The following PTPRN2 variants were observed in gnomAD, a reference collection of about 807,000 sequenced individuals.
The protein encoded by PTPRN2 is receptor-type tyrosine-protein phosphatase N2.
A neutral mutation model predicts 118.8 loss-of-function variants in PTPRN2; 74 were observed. That is an observed-to-expected ratio of 0.62 (90% CI 0.52 to 0.76). The LOEUF (loss-of-function observed/expected upper bound fraction) is 0.76. Ranked by LOEUF, PTPRN2 falls within the 30% of genes least tolerant of loss-of-function variation. The pLI is 0.00. For missense variants in PTPRN2, 1,481 were observed against 1,394.4 expected (o/e 1.06, Z -0.99); for synonymous variants, 641 against 608.0 (o/e 1.05, Z -0.80).
chr7:158,147,542 C>A, intron 6 of PTPRN2, among the ~76,000 whole-genome samples: 1 of 141,322 alleles, frequency 7.1e-6, no homozygotes, highest in Non-Finnish European at 1.6e-5. Flanking sequence ...CCATCTCACG[C>A]CACGTGTCAT....
intron 22 of PTPRN2, among the ~76,000 whole-genome samples, chr7:157,542,854 G>T (rs1798079758): frequency 6.6e-6 from 1 of 152,246 alleles, no homozygotes; most frequent in Non-Finnish European, 1.5e-5. Flanking sequence ...GGAGGAGGGG[G>T]TGCTTCCCGG....
At chr7:157,651,746 C>G (rs548535030) in intron 14 of PTPRN2, among the ~76,000 whole-genome samples, 3 of 152,268 alleles carry the variant, frequency 2.0e-5, no homozygotes, top group African/African-American at 7.2e-5. Flanking sequence ...ATGATTAACA[C>G]GCAGCCGCTT....
intron 6 of PTPRN2, among the ~76,000 whole-genome samples, chr7:158,146,403 C>T (rs938506781): frequency 1.3e-5 from 2 of 152,112 alleles, no homozygotes; most frequent in African/African-American, 2.4e-5. Context: ...CTATTGTGAT[C>T]AAAGCCTGGG....
rs1051661147 is a variant in PTPRN2, at chr7:157,674,889, G to A, written c.2001+7836C>T. On this transcript the variant is annotated intron_variant, in intron 13 of 22. Coordinates refer to ENST00000389418, the MANE Select transcript of PTPRN2 (RefSeq NM_002847.5). The surrounding 1 kb of genome is among the most constrained non-coding windows in gnomAD (Gnocchi z 4.5). Reference sequence around the variant, plus strand: ...GTGGGGGAGGCTCCAGGAGCTACCCGAGGCTTCTTCTCCTTGCCAACAACG... The same window carrying A: ...GTGGGGGAGGCTCCAGGAGCTACCCAAGGCTTCTTCTCCTTGCCAACAACG... Among the ~76,000 whole-genome samples, 2 of 152,178 alleles carry A rather than the reference G, an allele frequency of 1.3e-5. No homozygotes were observed. The highest frequency in any genetic ancestry group is 4.8e-5 in the African/African-American group (2 of 41,450).
At chr7:157,655,136 G>A (rs549609093) in intron 14 of PTPRN2, among the ~76,000 whole-genome samples, 2 of 152,348 alleles carry the variant, frequency 1.3e-5, no homozygotes, top group South Asian at 2.1e-4. Context: ...GTCCGGCTTC[G>A]TGGGCTCGCC....
At chr7:157,575,412 C>T (rs769159785) in intron 19 of PTPRN2, among the ~76,000 whole-genome samples, 14 of 152,296 alleles carry the variant, frequency 9.2e-5, no homozygotes, top group Non-Finnish European at 1.6e-4. Flanking sequence ...CTACGCTCTG[C>T]GTCCCCAGGG....
intron 9 of PTPRN2, among the ~76,000 whole-genome samples, chr7:158,123,726 T>C (rs568493339): frequency 5.9e-5 from 9 of 152,324 alleles, no homozygotes; most frequent in African/African-American, 2.2e-4. Flanking sequence ...TAAACACTTT[T>C]TAAATGCCAG....
At chr7:157,946,899 C>A (rs1318105664) in intron 11 of PTPRN2, among the ~76,000 whole-genome samples, 1 of 152,198 alleles carries the variant, frequency 6.6e-6, no homozygotes, top group Non-Finnish European at 1.5e-5. Flanking sequence ...CTCTGAGAGG[C>A]ATGTGGGATG....
intron 3 of PTPRN2, among the ~76,000 whole-genome samples, chr7:158,285,321 A>G (rs1400140111): frequency 2.0e-5 from 3 of 152,200 alleles, no homozygotes; most frequent in African/African-American, 7.2e-5. Context: ...CTCCTGGTGA[A>G]CAAGACATTC....
chr7:157,652,400 G>A (rs1236843424), intron 14 of PTPRN2, among the ~76,000 whole-genome samples: 1 of 152,224 alleles, frequency 6.6e-6, no homozygotes, highest in Non-Finnish European at 1.5e-5. Context: ...GGGAGAAGAA[G>A]GTTGGAGGTC....
intron 2 of PTPRN2, among the ~76,000 whole-genome samples, chr7:158,379,378 A>G (rs1810786523): frequency 6.6e-6 from 1 of 152,218 alleles, no homozygotes; most frequent in Admixed American, 6.5e-5. Flanking sequence ...TGATGAAAGC[A>G]AAGACAGGAA....
Position 157,867,546 on chromosome 7 carries a change from A to G in PTPRN2, c.1788+31127T>C, listed in dbSNP as rs1377324174. Among the ~76,000 whole-genome samples the G allele has an allele frequency of 2.9e-5, 4 of 140,316 alleles. No individual in the cohort carries two copies. The East Asian group carries it at 6.6e-4, about 23-fold the overall frequency. The allele number at this position is 140,316 out of a possible 152,430, so 92.1% of individuals were successfully genotyped here. On this transcript the variant is annotated intron_variant, in intron 12 of 22. Transcript: ENST00000389418. Reference sequence around the variant, plus strand: ...CCACCCCGCCCCTGACGCTCTGGATACACGGCCACCACCCTGTCCCTGACG... The same window carrying G: ...CCACCCCGCCCCTGACGCTCTGGATGCACGGCCACCACCCTGTCCCTGACG...
At chr7:158,207,207 A>G (rs376773515) in intron 3 of PTPRN2, among the ~76,000 whole-genome samples, 1,507 of 141,306 alleles carry the variant, frequency 0.011, 10 homozygotes, top group Non-Finnish European at 0.018. Context: ...CCGGTCTATC[A>G]TTGTTGGACA....
rs537797249 is a variant in PTPRN2, at chr7:158,526,131, G to A, written c.113-36346C>T. ...GAGATGATGACTTCCTACAGCTTCT[G>A]AAAGGGCCCGCTCTGGGGGGAGCCA... is the stretch of plus-strand genomic sequence containing the variant. On this transcript the variant is annotated intron_variant, in intron 1 of 22. Coordinates refer to ENST00000389418, the MANE Select transcript of PTPRN2 (RefSeq NM_002847.5). This position sits in a 1 kb window ranked among gnomAD's most constrained non-coding sequence, Gnocchi z 5.2. Among the ~76,000 whole-genome samples the A allele has an allele frequency of 6.6e-6, 1 of 152,320 alleles. No homozygotes were observed. Among genetic ancestry groups the A allele is most frequent in the East Asian group, 1.9e-4 (1 of 5,180 alleles).
intron 21 of PTPRN2, among the ~76,000 whole-genome samples, chr7:157,566,736 C>T (rs1423695298): frequency 6.6e-6 from 1 of 152,228 alleles, no homozygotes; most frequent in East Asian, 1.9e-4. Flanking sequence ...GGTGCCTGGA[C>T]AATATGCCAG....
At chr7:158,397,958 C>T (rs1388428920) in intron 2 of PTPRN2, among the ~76,000 whole-genome samples, 2 of 152,030 alleles carry the variant, frequency 1.3e-5, no homozygotes, top group African/African-American at 2.4e-5. Context: ...GAGTAGGAAC[C>T]GGAGGGACGG....
chr7:158,358,694 G>A (rs1039455449), intron 2 of PTPRN2, among the ~76,000 whole-genome samples: 3 of 152,210 alleles, frequency 2.0e-5, no homozygotes, highest in Non-Finnish European at 4.4e-5. Flanking sequence ...TGCCTTTAGC[G>A]TTCGGCTGCA....
At chr7:158,493,414 C>T (rs1270939630) in intron 1 of PTPRN2, among the ~76,000 whole-genome samples, 1 of 26,038 alleles carries the variant, frequency 3.8e-5, no homozygotes, top group Non-Finnish European at 8.0e-5. Flanking sequence ...CCTGCAGACA[C>T]GTACACGTAT....
At chr7:157,600,910 C>T (rs1449336837) in intron 16 of PTPRN2, among the ~76,000 whole-genome samples, 1 of 152,190 alleles carries the variant, frequency 6.6e-6, no homozygotes, top group African/African-American at 2.4e-5. Context: ...GCCACTCTGT[C>T]CCTACATAGT....
Sources: allele counts gnomAD v4.1 joint callset (sites outside exome capture counted in the v4.1 genomes callset), GRCh38; gene constraint gnomAD v4.1.1; non-coding constraint Gnocchi (gnomAD v3.1); transcripts MANE v1.5; gene names NCBI Gene and HGNC (gene_info 2026-07-23, HGNC 2026-07-21).